The following STMND1 variants were observed in gnomAD, a reference collection of about 807,000 sequenced individuals.
STMND1 encodes the protein stathmin domain-containing protein 1.
In STMND1, 17 loss-of-function variants were observed where a neutral mutation model predicts 23.0. The observed-to-expected ratio is 0.74, with a 90% confidence interval of 0.51 to 1.11. STMND1 has a LOEUF of 1.11. Ranked by LOEUF, STMND1 falls within the 50% of genes least tolerant of loss-of-function variation. STMND1 has a pLI of 0.00. For missense variants in STMND1, 305 were observed against 329.1 expected (o/e 0.93, Z 0.57); for synonymous variants, 114 against 119.9 (o/e 0.95, Z 0.32).
chr6:17,103,433 C>G (rs1033690973), intron 1 of STMND1, among the ~76,000 whole-genome samples: 10 of 152,160 alleles, frequency 6.6e-5, no homozygotes, highest in African/African-American at 2.4e-4. Flanking sequence ...AAACCAGAAT[C>G]TAGTGAAGGC....
chr6:17,122,699 G>A (rs1761249315), intron 3 of STMND1, among the ~76,000 whole-genome samples: 1 of 150,422 alleles, frequency 6.6e-6, no homozygotes, highest in Non-Finnish European at 1.5e-5. Context: ...ACATTATCAG[G>A]CTGCCAATAA....
At chr6:17,110,923 G>C (rs934266620) in intron 1 of STMND1, 10 of 454,974 alleles carry the variant, frequency 2.2e-5, no homozygotes, top group African/African-American at 2.0e-4. Flanking sequence ...AGCATCCATT[G>C]AAATGAGAAG....
intron 3 of STMND1, among the ~76,000 whole-genome samples, chr6:17,122,635 T>C (rs1581372862): frequency 1.3e-5 from 2 of 151,480 alleles, no homozygotes; most frequent in East Asian, 3.9e-4. Flanking sequence ...GGAAAATAAA[T>C]CCTGCAGAAA....
intron 3 of STMND1, among the ~76,000 whole-genome samples, chr6:17,125,465 T>C (rs1761283675): frequency 6.6e-6 from 1 of 152,226 alleles, no homozygotes; most frequent in African/African-American, 2.4e-5. Flanking sequence ...CCTGAGGCTC[T>C]GTGAATTCAC....
chr6:17,104,200 C>A (rs1760985412), intron 1 of STMND1, among the ~76,000 whole-genome samples: 1 of 151,700 alleles, frequency 6.6e-6, no homozygotes, highest in Non-Finnish European at 1.5e-5. Context: ...CTGGTGAACT[C>A]ATGATCACTT....
intron 2 of STMND1, among the ~76,000 whole-genome samples, chr6:17,118,134 T>C (rs1339344170): frequency 6.7e-6 from 1 of 150,296 alleles, no homozygotes; most frequent in Non-Finnish European, 1.5e-5. Context: ...TAAAATTCAG[T>C]TTGGATTTTG....
At position 17,102,148 on chromosome 6, in the gene STMND1, T is replaced by TAGGGCGC. The variant is rs1730122052; in HGVS notation, c.-99_-93dup. The TAGGGCGC allele has an allele frequency of 1.8e-6, 2 of 1,128,256 alleles. No individual in the cohort carries two copies. The allele number at this position is 1,128,256 out of a possible 1,614,324, so 69.9% of individuals were successfully genotyped here. Reference sequence around the variant, plus strand: ...GCGCCCGAGCGCAGTAGCAGGGGCGTAGGGCGCAGGGCGCAGGAGCGCGGG... The same window carrying TAGGGCGC: ...GCGCCCGAGCGCAGTAGCAGGGGCGTAGGGCGCAGGGCGCAGGGCGCAGGAGCGCGGG... On this transcript the variant is annotated 5_prime_UTR_variant, in exon 1 of 5. Transcript: ENST00000536551.
At chr6:17,125,839 A>T (rs1761287852) in intron 3 of STMND1, among the ~76,000 whole-genome samples, 1 of 151,870 alleles carries the variant, frequency 6.6e-6, no homozygotes, top group Non-Finnish European at 1.5e-5. Context: ...CAGTGTATGT[A>T]AGAAGTAAAA....
At chr6:17,106,735 G>T (rs148992037) in intron 1 of STMND1, among the ~76,000 whole-genome samples, 1 of 152,124 alleles carries the variant, frequency 6.6e-6, no homozygotes, top group Non-Finnish European at 1.5e-5. Flanking sequence ...TGAAATGAAC[G>T]TGTTTGCTTG....
chr6:17,127,258 T>C (rs777615558), intron 3 of STMND1, among the ~76,000 whole-genome samples: 4 of 152,064 alleles, frequency 2.6e-5, no homozygotes, highest in Non-Finnish European at 5.9e-5. Context: ...TCATAGAGAG[T>C]CAATGCACAC....
In STMND1 at chr6:17,115,006, G is replaced by A. The variant is rs1319985258; in HGVS notation, c.126G>A (p.Arg42=). Reference sequence around the variant, plus strand: ...ATACTGGGGAAAATTGCAGCCCCCGGATGGAAGCTGCTCTGACCAAGAATA... The same window carrying A: ...ATACTGGGGAAAATTGCAGCCCCCGAATGGAAGCTGCTCTGACCAAGAATA... The part of the protein sequence containing the change: ...VPHTGENCSP[R]MEAALTKNTV... The change falls in exon 2 of 5, where the codon CGG becomes CGA. Residue 42 remains arginine (R), a synonymous_variant. Coordinates refer to ENST00000536551, the MANE Select transcript of STMND1 (RefSeq NM_001190766.2). The A allele has an allele frequency of 7.2e-6, 11 of 1,533,882 alleles. No homozygotes were observed. Among genetic ancestry groups the A allele is most frequent in the Non-Finnish European group, 8.7e-6 (10 of 1,145,972 alleles).
intron 1 of STMND1, among the ~76,000 whole-genome samples, chr6:17,107,410 A>AT (rs1761038117): frequency 1.4e-5 from 2 of 143,590 alleles, no homozygotes; most frequent in African/African-American, 2.5e-5. Flanking sequence ...CCTAAAATTG[A>AT]TAAAAAAATT....
intron 3 of STMND1, among the ~76,000 whole-genome samples, chr6:17,127,680 G>A (rs2113495129): frequency 6.6e-6 from 1 of 152,106 alleles, no homozygotes; most frequent in South Asian, 2.1e-4. Context: ...TATTTTCTTG[G>A]TACCTATAGC....
chr6:17,119,739 C>G (rs1252462830), intron 2 of STMND1, among the ~76,000 whole-genome samples: 1 of 151,522 alleles, frequency 6.6e-6, no homozygotes, highest in African/African-American at 2.4e-5. Flanking sequence ...TGGGAAGATG[C>G]CATCCATTAA....
Position 17,129,151 on chromosome 6 carries a change from A to G in STMND1, c.451A>G (p.Arg151Gly). ...GAAGCCATTGAGAAAGCCACCTTCC[A>G]GACTGAAAAAACTCAAGATCAAAAA... ...TEKPLRKPPS[R>G]LKKLKIKKQV... The change falls in exon 4 of 5, where the codon AGA becomes GGA. Residue 151 changes from arginine (R) to glycine (G), a missense_variant. Coordinates refer to ENST00000536551, the MANE Select transcript of STMND1 (RefSeq NM_001190766.2). 1 of 1,535,984 alleles carries G rather than the reference A, an allele frequency of 6.5e-7. No homozygotes were observed. The highest frequency in any genetic ancestry group is 1.2e-5 in the South Asian group (1 of 84,064).
chr6:17,116,186 C>T (rs1761156944), intron 2 of STMND1, among the ~76,000 whole-genome samples: 1 of 152,016 alleles, frequency 6.6e-6, no homozygotes, highest in African/African-American at 2.4e-5. Context: ...GCTGTGTGTA[C>T]AATGTTAAAG....
intron 1 of STMND1, among the ~76,000 whole-genome samples, chr6:17,107,800 G>A (rs1479634388): frequency 1.3e-5 from 2 of 152,176 alleles, no homozygotes; most frequent in Non-Finnish European, 2.9e-5. Context: ...TGGCCATGTT[G>A]CCAAGGCTTA....
chr6:17,130,896 A>C lies in STMND1; in HGVS notation c.*15A>C. 6.7e-7 allele frequency: 1 copy of C among 1,490,832 alleles called. No individual in the cohort carries two copies. The highest frequency in any genetic ancestry group is 8.9e-7 in the Non-Finnish European group (1 of 1,121,714). 92.4% of individuals were successfully genotyped at this position (1,490,832 alleles called of 1,614,324 possible). ...TAGTCTACTAAGCCATTTTTTGTGA[A>C]TTTCATAAGAAAGCATTCATTCTCC... On this transcript the variant is annotated 3_prime_UTR_variant, in exon 5 of 5. Transcript: ENST00000536551.
intron 3 of STMND1, among the ~76,000 whole-genome samples, chr6:17,126,056 ATATATATATATATATTTTTT>A (rs1394839496): frequency 8.9e-5 from 2 of 22,596 alleles, no homozygotes; most frequent in Non-Finnish European, 1.6e-4. Flanking sequence ...ATATATATAT[ATATATATATATATATTTTTT>A]TTTTTTTTTT....
Sources: gnomAD v4.1 joint callset for allele counts (sites outside exome capture counted in the v4.1 genomes callset) on GRCh38, gnomAD v4.1.1 for gene constraint, MANE v1.5 for transcripts, NCBI Gene and HGNC (gene_info 2026-07-23, HGNC 2026-07-21) for gene names.